SSH1: variants seen among roughly 807,000 people sequenced by gnomAD.
The protein encoded by SSH1 is slingshot protein phosphatase 1, also known as protein phosphatase Slingshot homolog 1.
In SSH1, 43 loss-of-function variants were observed where a neutral mutation model predicts 79.7. The ratio of observed to expected loss-of-function variants is 0.54; its 90% confidence interval spans 0.42 to 0.70. The LOEUF is 0.70. Among genes scored for constraint, SSH1 ranks in the 30% least tolerant of loss-of-function variants. The pLI, the probability that SSH1 is intolerant of heterozygous loss-of-function variation, is 0.00. For synonymous variants in SSH1, 599 were observed against 538.3 expected (o/e 1.11, Z -1.56); for missense variants, 1,206 against 1,358.8 (o/e 0.89, Z 1.77).
chr12:108,804,924 C>T (rs990854009), intron 10 of SSH1, 132 bp downstream of exon 10: 2 of 1,107,278 alleles, frequency 1.8e-6, no homozygotes, highest in African/African-American at 3.1e-5. Context: ...GAGCTCCTGC[C>T]AGCCAGGATG....
At chr12:108,809,827 G>A (rs2037485757) in intron 6 of SSH1, 69 bp from the exon 7 acceptor site, 1 of 1,384,892 alleles carries the variant, frequency 7.2e-7, no homozygotes, top group South Asian at 1.2e-5. Context: ...AATCACTCTG[G>A]GAGGAGGGAG....
chr12:108,841,414 C>T (rs145603729), intron 2 of SSH1, among the ~76,000 whole-genome samples: 472 of 152,314 alleles, frequency 3.1e-3, no homozygotes, highest in African/African-American at 0.01. Flanking sequence ...ATTCGTTTTA[C>T]GTTAACCTTA....
chr12:108,844,078 GA>G (rs2038840592), intron 2 of SSH1, among the ~76,000 whole-genome samples: 1 of 152,142 alleles, frequency 6.6e-6, no homozygotes, highest in Non-Finnish European at 1.5e-5. Flanking sequence ...GGCATTTGTT[GA>G]ATGTCTACTA....
At position 108,792,390 on chromosome 12, in the gene SSH1, C is replaced by G. The variant is rs771691882; in HGVS notation, c.1789G>C (p.Gly597Arg). 2 of 1,614,208 alleles carry G rather than the reference C, an allele frequency of 1.2e-6. No individual in the cohort carries two copies. The highest frequency in any genetic ancestry group is 2.2e-5 in the East Asian group (1 of 44,890). ...VEETEREEGLGAGRWGQLPTQ... is the reference protein window; with the variant it reads ...VEETEREEGLRAGRWGQLPTQ... ...GGAAGCTGCCCCCACCTCCCTGCTC[C>G]CAGGCCCTCCTCCCTTTCCGTCTCC... Residue 597 changes from glycine to arginine, a missense_variant, in exon 14 of 15, where the codon GGA becomes CGA. Physicochemically the swap from Gly to Arg is moderately radical, Grantham distance 125 (BLOSUM62 -2). This residue lies in a region of SSH1 where 709 missense variants were observed against 730.6 expected (regional missense o/e 0.97). Coordinates refer to ENST00000326495, the MANE Select transcript of SSH1 (RefSeq NM_018984.4).
chr12:108,842,543 C>T (rs1001114219), intron 2 of SSH1, among the ~76,000 whole-genome samples: 3 of 152,232 alleles, frequency 2.0e-5, no homozygotes, highest in Admixed American at 1.3e-4. Flanking sequence ...GGATGTTCTC[C>T]GGGCTGCAGC....
At position 108,857,549 on chromosome 12, in the gene SSH1, CG is replaced by C; in HGVS notation, c.-54del. 1 of 1,001,914 alleles carries C rather than the reference CG, an allele frequency of 1.0e-6. No homozygotes were observed. Among genetic ancestry groups the C allele is most frequent in the South Asian group, 3.3e-5 (1 of 30,146 alleles). The allele number at this position is 1,001,914 out of a possible 1,614,324, so 62.1% of individuals were successfully genotyped here. ...AGACGTCTCGAGCTAGAGCCGCCAC[CG>C]CCACCGCCGCCCGGGCCGGGCCCGG... On this transcript the variant is annotated 5_prime_UTR_variant, in exon 1 of 15. Transcript: ENST00000326495. This position sits in a 1 kb window ranked among gnomAD's most constrained non-coding sequence, Gnocchi z 4.7.
chr12:108,828,788 C>T (rs576843068), intron 2 of SSH1, among the ~76,000 whole-genome samples: 5 of 152,162 alleles, frequency 3.3e-5, no homozygotes, highest in Non-Finnish European at 7.3e-5. Flanking sequence ...CACACAGCCA[C>T]GCTGACCAAG....
chr12:108,806,171 T>A, intron 9 of SSH1, 130 bp downstream of exon 9: 1 of 891,438 alleles, frequency 1.1e-6, no homozygotes, highest in Non-Finnish European at 1.9e-6. Flanking sequence ...GAAAAAAGCC[T>A]CCGGGGGCTG....
At position 108,782,742 on chromosome 12, in the gene SSH1, A is replaced by G. The variant is rs2036165290; in HGVS notation, c.*5246T>C. On this transcript the variant is annotated 3_prime_UTR_variant, in exon 15 of 15. Coordinates refer to ENST00000326495, the MANE Select transcript of SSH1 (RefSeq NM_018984.4). ...TTTCATCACAAGAAGCACACACACT[A>G]TATACAATACACACCAACAGAAGTA... 6.6e-6 allele frequency: 1 copy of G among 152,190 alleles called. No individual in the cohort carries two copies. Among genetic ancestry groups the G allele is most frequent in the African/African-American group, 2.4e-5 (1 of 41,446 alleles). 9.4% of individuals were successfully genotyped at this position (152,190 alleles called of 1,614,324 possible).
At chr12:108,844,328 G>A (rs1394751335) in intron 2 of SSH1, among the ~76,000 whole-genome samples, 3 of 152,276 alleles carry the variant, frequency 2.0e-5, no homozygotes, top group Non-Finnish European at 4.4e-5. Flanking sequence ...TGTTCAAGGT[G>A]GGGGCAAATC....
intron 1 of SSH1, among the ~76,000 whole-genome samples, chr12:108,854,788 A>G (rs985782620): frequency 2.0e-5 from 3 of 152,186 alleles, no homozygotes; most frequent in African/African-American, 7.2e-5. Context: ...GTCCTTTTAG[A>G]TGAGCCAGGG....
Position 108,820,739 on chromosome 12 carries a change from G to A in SSH1, c.215-2426C>T, listed in dbSNP as rs186176974. On this transcript the variant is annotated intron_variant, in intron 3 of 14. Transcript: ENST00000326495. ...CAATTGTACTCAGCTCTGCACAGTG[G>A]TTACTGGGGGGCCTCTGGTACATTC... 6.6e-4 allele frequency among the ~76,000 whole-genome samples: 101 copies of A among 152,326 alleles called. 1 individual carries two copies. The highest frequency in any genetic ancestry group is 2.2e-3 in the African/African-American group (90 of 41,576).
intron 11 of SSH1, among the ~76,000 whole-genome samples, 161 bp from the exon 12 acceptor site, chr12:108,801,087 G>A (rs910658373): frequency 2.6e-4 from 39 of 151,928 alleles, no homozygotes; most frequent in African/African-American, 8.7e-4. Flanking sequence ...TATGTTTTTT[G>A]GTATTTTCTA....
chr12:108,779,286 G>C lies in SSH1; in HGVS notation c.*8702C>G, dbSNP rs754020327. ...TTTAAAGGCAAAATATGGTGAATAT[G>C]ATCTACGGGAAAGAAACACACCTTG... On this transcript the variant is annotated 3_prime_UTR_variant, in exon 15 of 15. Transcript: ENST00000326495. 7 of 152,222 alleles carry C rather than the reference G, an allele frequency of 4.6e-5. No homozygotes were observed. The highest frequency in any genetic ancestry group is 8.8e-5 in the Non-Finnish European group (6 of 68,032). The allele number at this position is 152,222 out of a possible 1,614,324, so 9.4% of individuals were successfully genotyped here.
chr12:108,818,246 T>C lies in SSH1; in HGVS notation c.279+3A>G. 2 of 1,613,762 alleles carry C rather than the reference T, an allele frequency of 1.2e-6. No individual in the cohort carries two copies. Among genetic ancestry groups the C allele is most frequent in the South Asian group, 2.2e-5 (2 of 91,076 alleles). On this transcript the variant is annotated splice_donor_region_variant and intron_variant, in intron 4 of 14. Transcript: ENST00000326495. ...TTAACTTGACATTCTCACTGCTTCTTACCAGCTTGATTCTGTCTTCGCAAC... is the reference window on the plus strand; with the variant it reads ...TTAACTTGACATTCTCACTGCTTCTCACCAGCTTGATTCTGTCTTCGCAAC...
chr12:108,849,869 G>A (rs1272902679), intron 2 of SSH1, among the ~76,000 whole-genome samples: 1 of 73,352 alleles, frequency 1.4e-5, no homozygotes, highest in African/African-American at 6.2e-5. Flanking sequence ...GAGGGAGCTA[G>A]GGGAGGGCAG....
chr12:108,838,463 C>T (rs1258553575), intron 2 of SSH1, among the ~76,000 whole-genome samples: 1 of 152,174 alleles, frequency 6.6e-6, no homozygotes, highest in Non-Finnish European at 1.5e-5. Context: ...TTTTCCTGCT[C>T]GGAGACCACA....
intron 10 of SSH1, among the ~76,000 whole-genome samples, 196 bp downstream of exon 10, chr12:108,804,860 G>T (rs2037198127): frequency 6.6e-6 from 1 of 152,226 alleles, no homozygotes; most frequent in South Asian, 2.1e-4. Flanking sequence ...GTCTCAAACA[G>T]CTGGCTCAAG....
intron 5 of SSH1, among the ~76,000 whole-genome samples, chr12:108,815,277 G>A (rs1477195995): frequency 1.3e-5 from 2 of 152,190 alleles, no homozygotes; most frequent in African/African-American, 4.8e-5. Flanking sequence ...ATCTGAGGTA[G>A]CACTACCCAC....
Sources: allele counts gnomAD v4.1 joint callset (sites outside exome capture counted in the v4.1 genomes callset), GRCh38; gene constraint gnomAD v4.1.1; regional missense constraint gnomAD v4.1.1; non-coding constraint Gnocchi (gnomAD v3.1); transcripts MANE v1.5; gene names NCBI Gene and HGNC (gene_info 2026-07-23, HGNC 2026-07-21).